ERC2: variants seen among roughly 807,000 people sequenced by gnomAD.
ERC2 encodes ERC protein 2.
A neutral mutation model predicts 114.8 loss-of-function variants in ERC2; 42 were observed. The ratio of observed to expected loss-of-function variants is 0.37; its 90% confidence interval spans 0.29 to 0.47. ERC2 has a LOEUF of 0.47. ERC2 is among the 20% of genes least tolerant of loss of function. The probability of loss-of-function intolerance (pLI) is 0.99; values close to 1 mark genes in which losing one functional copy is unlikely to be tolerated. For missense variants in ERC2, 939 were observed against 1,150.7 expected, an observed-to-expected ratio of 0.82 and a Z score of 2.66; for synonymous variants, 454 against 425.5, an observed-to-expected ratio of 1.07 and a Z score of -0.82.
intron 17 of ERC2, among the ~76,000 whole-genome samples, chr3:55,666,378 C>T (rs2061357743): frequency 6.6e-6 from 1 of 152,234 alleles, no homozygotes; most frequent in South Asian, 2.1e-4. Flanking sequence ...CACACATGGA[C>T]ATTTTCAATG....
chr3:55,895,531 C>T (rs1378378964), intron 13 of ERC2, among the ~76,000 whole-genome samples: 1 of 152,182 alleles, frequency 6.6e-6, no homozygotes, highest in Non-Finnish European at 1.5e-5. Flanking sequence ...TACTTTCACC[C>T]AACCCAACTG....
At chr3:55,512,270 C>T (rs2052135716) in intron 17 of ERC2, among the ~76,000 whole-genome samples, 1 of 152,208 alleles carries the variant, frequency 6.6e-6, no homozygotes, top group South Asian at 2.1e-4. Context: ...CTTGGATGAA[C>T]TCTGCTAATT....
intron 3 of ERC2, among the ~76,000 whole-genome samples, chr3:56,192,937 G>A (rs2047881397): frequency 6.6e-6 from 1 of 152,142 alleles, no homozygotes; most frequent in South Asian, 2.1e-4. Context: ...ACTAAGGCCA[G>A]CAATCATCCC....
intron 6 of ERC2, among the ~76,000 whole-genome samples, chr3:56,083,584 C>T (rs1015243385): frequency 7.9e-5 from 12 of 151,942 alleles, no homozygotes; most frequent in African/African-American, 2.9e-4. Flanking sequence ...TATATGAATA[C>T]ATAACTAAGA....
intron 17 of ERC2, among the ~76,000 whole-genome samples, chr3:55,682,501 C>T (rs974615787): frequency 3.3e-5 from 5 of 152,132 alleles, no homozygotes; most frequent in African/African-American, 1.2e-4. Context: ...AGCAAACTGA[C>T]CCATTAGTGG....
chr3:56,189,777 G>C (rs2083873110), intron 3 of ERC2, among the ~76,000 whole-genome samples: 1 of 152,152 alleles, frequency 6.6e-6, no homozygotes, highest in African/African-American at 2.4e-5. Context: ...GTATCAGATG[G>C]TGAACACAAC....
At chr3:56,153,187 C>G (rs976626114) in intron 4 of ERC2, among the ~76,000 whole-genome samples, 4 of 152,068 alleles carry the variant, frequency 2.6e-5, no homozygotes, top group African/African-American at 7.2e-5. Flanking sequence ...ACATAGGGCA[C>G]CTATTGGGAA....
At chr3:56,140,972 C>T (rs953572420) in intron 5 of ERC2, among the ~76,000 whole-genome samples, 5 of 152,062 alleles carry the variant, frequency 3.3e-5, no homozygotes, top group African/African-American at 4.8e-5. Flanking sequence ...TGCAGTGAGC[C>T]GAGATCACGC....
intron 2 of ERC2, among the ~76,000 whole-genome samples, chr3:56,336,448 G>A (rs1399203712): frequency 4.6e-5 from 7 of 152,118 alleles, no homozygotes; most frequent in African/African-American, 1.7e-4. Context: ...CTATCATGAC[G>A]ATGAATGGGG....
intron 2 of ERC2, among the ~76,000 whole-genome samples, chr3:56,336,176 T>A (rs115067901): frequency 0.016 from 2,399 of 152,248 alleles, 20 homozygotes; most frequent in African/African-American, 0.021. Flanking sequence ...GAATACCAGC[T>A]CTGCCTGACA....
intron 14 of ERC2, among the ~76,000 whole-genome samples, chr3:55,773,370 T>G (rs1465947419): frequency 1.3e-5 from 2 of 152,236 alleles, no homozygotes; most frequent in African/African-American, 4.8e-5. Flanking sequence ...GCCTTCTCTA[T>G]GAGGTCTTTT....
At position 55,598,058 on chromosome 3, in the gene ERC2, A is replaced by G. The variant is rs1356126534; in HGVS notation, c.*39+85736T>C. ...ACTGCGAGCATTACTCTGCTCCTCC[A>G]CATGGCCTCCATGTCCCCTGCAACA... On this transcript the variant is annotated intron_variant, in intron 17 of 17. Transcript: ENST00000288221. 2.6e-5 allele frequency among the ~76,000 whole-genome samples: 4 copies of G among 152,230 alleles called. No homozygotes were observed. The East Asian group carries it at 5.8e-4, about 22-fold the overall frequency.
At chr3:56,362,369 G>C (rs535665769) in intron 2 of ERC2, among the ~76,000 whole-genome samples, 28 of 152,280 alleles carry the variant, frequency 1.8e-4, no homozygotes, top group African/African-American at 6.5e-4. Flanking sequence ...GGAGAGAGAG[G>C]GAAGTGGTGG....
intron 17 of ERC2, among the ~76,000 whole-genome samples, chr3:55,603,991 C>T (rs1435996421): frequency 6.6e-6 from 1 of 152,190 alleles, no homozygotes; most frequent in African/African-American, 2.4e-5. Context: ...CAGCATGTCT[C>T]TCCGGCCACG....
intron 7 of ERC2, among the ~76,000 whole-genome samples, chr3:56,033,038 A>G (rs1560058359): frequency 2.7e-5 from 2 of 74,468 alleles, no homozygotes; most frequent in African/African-American, 4.1e-5. Flanking sequence ...AACAGAAAGA[A>G]AGAAAGAAAG....
chr3:56,445,205 C>T (rs911072523), intron 1 of ERC2, among the ~76,000 whole-genome samples: 11 of 152,210 alleles, frequency 7.2e-5, no homozygotes, highest in Admixed American at 7.2e-4. Flanking sequence ...CAGTTTGCCA[C>T]AGTCTCCTCC....
intron 10 of ERC2, among the ~76,000 whole-genome samples, chr3:55,999,919 G>C (rs1244390048): frequency 2.0e-5 from 3 of 151,472 alleles, no homozygotes; most frequent in African/African-American, 7.3e-5. Flanking sequence ...AAAGACTTAA[G>C]ACAAAATGAA....
At chr3:55,867,755 A>G (rs534518977) in intron 14 of ERC2, among the ~76,000 whole-genome samples, 2 of 152,330 alleles carry the variant, frequency 1.3e-5, no homozygotes, top group Admixed American at 1.3e-4. Context: ...CAAAGTAAAT[A>G]TCATTTACTC....
intron 7 of ERC2, among the ~76,000 whole-genome samples, chr3:56,021,083 T>G (rs1461748420): frequency 6.6e-6 from 1 of 152,050 alleles, no homozygotes; most frequent in Non-Finnish European, 1.5e-5. Context: ...AAAGATGTAT[T>G]TATTGAGCTA....
Sources: allele counts gnomAD v4.1 joint callset (sites outside exome capture counted in the v4.1 genomes callset), GRCh38; gene constraint gnomAD v4.1.1; transcripts MANE v1.5; gene names NCBI Gene and HGNC (gene_info 2026-07-23, HGNC 2026-07-21).